SPIDR: variants seen among roughly 807,000 people sequenced by gnomAD.
SPIDR encodes the protein scaffold protein involved in DNA repair.
In SPIDR, 93 loss-of-function variants were observed where a neutral mutation model predicts 104.6. The observed-to-expected ratio is 0.89, with a 90% CI of 0.75 to 1.06. The LOEUF (loss-of-function observed/expected upper bound fraction) is 1.06. Ranked by LOEUF, SPIDR falls within the 50% of genes least tolerant of loss-of-function variation. SPIDR has a pLI of 0.00. For missense variants in SPIDR, 1,154 were observed against 1,111.2 expected (o/e 1.04, Z -0.55); for synonymous variants, 431 against 416.9 (o/e 1.03, Z -0.41).
At chr8:47,290,912 C>T in intron 3 of SPIDR, 121 bp from the exon 4 acceptor site, 1 of 601,980 alleles carries the variant, frequency 1.7e-6, no homozygotes, top group South Asian at 3.0e-5. Flanking sequence ...ATAGACATTG[C>T]TTTTCCTATC....
At chr8:47,498,068 A>G (rs1233895896) in intron 8 of SPIDR, among the ~76,000 whole-genome samples, 1 of 152,226 alleles carries the variant, frequency 6.6e-6, no homozygotes, top group Non-Finnish European at 1.5e-5. Context: ...ATTGACTATA[A>G]CATCAATACA....
At chr8:47,584,506 A>G (rs937698855) in intron 8 of SPIDR, among the ~76,000 whole-genome samples, 14 of 152,182 alleles carry the variant, frequency 9.2e-5, no homozygotes, top group Admixed American at 2.6e-4. Flanking sequence ...AACAAACTAA[A>G]TTTCCTTATG....
chr8:47,526,803 T>C (rs1206354210), intron 8 of SPIDR, among the ~76,000 whole-genome samples: 1 of 152,192 alleles, frequency 6.6e-6, no homozygotes, highest in African/African-American at 2.4e-5. Flanking sequence ...TAAGAAAAAG[T>C]TGAACAAACT....
At chr8:47,460,342 G>A (rs782114798) in intron 8 of SPIDR, among the ~76,000 whole-genome samples, 1 of 152,122 alleles carries the variant, frequency 6.6e-6, no homozygotes, top group Non-Finnish European at 1.5e-5. Flanking sequence ...AGAATATTTA[G>A]GATTGTGATA....
At chr8:47,479,354 C>G (rs190369667) in intron 8 of SPIDR, among the ~76,000 whole-genome samples, 17 of 145,108 alleles carry the variant, frequency 1.2e-4, no homozygotes, top group Admixed American at 1.1e-3. Flanking sequence ...GTGAGACTCT[C>G]TCAAAAAAAA....
At chr8:47,550,939 T>A (rs2090355615) in intron 8 of SPIDR, among the ~76,000 whole-genome samples, 3 of 152,230 alleles carry the variant, frequency 2.0e-5, no homozygotes, top group Admixed American at 6.5e-5. Context: ...TTGAGATATG[T>A]TCCATCAGTA....
At chr8:47,476,614 G>A (rs2076323813) in intron 8 of SPIDR, among the ~76,000 whole-genome samples, 1 of 151,330 alleles carries the variant, frequency 6.6e-6, no homozygotes, top group Admixed American at 6.6e-5. Flanking sequence ...CCCCTGCCTG[G>A]ACCACCCCAA....
At chr8:47,317,343 C>T (rs905680284) in intron 5 of SPIDR, among the ~76,000 whole-genome samples, 2 of 152,070 alleles carry the variant, frequency 1.3e-5, no homozygotes, top group African/African-American at 4.8e-5. Flanking sequence ...ACCTGCGGAG[C>T]CTCGCTCATT....
intron 8 of SPIDR, among the ~76,000 whole-genome samples, chr8:47,460,569 G>A (rs1407055141): frequency 6.6e-6 from 1 of 152,112 alleles, no homozygotes; most frequent in Non-Finnish European, 1.5e-5. Flanking sequence ...TGTTAGGTAA[G>A]TCTCTTGAAA....
chr8:47,361,962 C>T (rs956143246), intron 5 of SPIDR, among the ~76,000 whole-genome samples: 5 of 152,172 alleles, frequency 3.3e-5, no homozygotes, highest in African/African-American at 9.7e-5. Context: ...ACCAGAGGCT[C>T]CACGTGCTAC....
chr8:47,451,743 T>C (rs1447130010), intron 8 of SPIDR, among the ~76,000 whole-genome samples: 1 of 152,074 alleles, frequency 6.6e-6, no homozygotes, highest in African/African-American at 2.4e-5. Flanking sequence ...TGTGGGACAC[T>C]ATCAAATGTA....
intron 8 of SPIDR, among the ~76,000 whole-genome samples, chr8:47,549,617 G>T (rs1554787968): frequency 1.3e-5 from 2 of 151,748 alleles, no homozygotes; most frequent in Non-Finnish European, 3.0e-5. Flanking sequence ...TGATGGGGTT[G>T]TTTTTTCTTG....
intron 6 of SPIDR, among the ~76,000 whole-genome samples, chr8:47,405,588 A>T (rs1554666829): frequency 6.6e-6 from 1 of 152,172 alleles, no homozygotes. Flanking sequence ...TCAAATTGAT[A>T]CCAGTCATCT....
chr8:47,482,940 TC>T (rs2077066865), intron 8 of SPIDR, among the ~76,000 whole-genome samples: 1 of 152,132 alleles, frequency 6.6e-6, no homozygotes, highest in Non-Finnish European at 1.5e-5. Context: ...TCTACTCCTT[TC>T]CTTACTCAAT....
chr8:47,509,587 C>T (rs2082008341), intron 8 of SPIDR, among the ~76,000 whole-genome samples: 3 of 152,154 alleles, frequency 2.0e-5, no homozygotes, highest in Admixed American at 2.0e-4. Context: ...TCTCTAGTAA[C>T]ATATTACAAC....
At chr8:47,511,771 C>T (rs1244894759) in intron 8 of SPIDR, 5 of 1,297,304 alleles carry the variant, frequency 3.9e-6, no homozygotes, top group South Asian at 3.5e-5. Flanking sequence ...CTCTTTGGCA[C>T]CTTTAAAGAG....
At chr8:47,380,305 T>C (rs2059173873) in intron 5 of SPIDR, among the ~76,000 whole-genome samples, 1 of 152,150 alleles carries the variant, frequency 6.6e-6, no homozygotes, top group Non-Finnish European at 1.5e-5. Flanking sequence ...GCCAGACAGG[T>C]CGTATCACAG....
chr8:47,561,676 C>A (rs2057096536), intron 8 of SPIDR, among the ~76,000 whole-genome samples: 1 of 152,084 alleles, frequency 6.6e-6, no homozygotes, highest in East Asian at 1.9e-4. Flanking sequence ...CTCCTGGGAT[C>A]CTCCCCCATC....
intron 8 of SPIDR, among the ~76,000 whole-genome samples, chr8:47,490,287 A>C (rs975601950): frequency 1.3e-5 from 2 of 152,198 alleles, no homozygotes; most frequent in Non-Finnish European, 1.5e-5. Flanking sequence ...GCAAATCAAA[A>C]CCACAATGAG....
Sources: gnomAD v4.1 joint callset for allele counts (sites outside exome capture counted in the v4.1 genomes callset) on GRCh38, gnomAD v4.1.1 for gene constraint, MANE v1.5 for transcripts, NCBI Gene and HGNC (gene_info 2026-07-23, HGNC 2026-07-21) for gene names.